Variants in ANK2 observed in about 807,000 individuals in gnomAD.
ANK2 encodes ankyrin 2, also known as ankyrin-2.
ANK2 carries 83 observed loss-of-function variants against 360.5 expected under a neutral mutation model. The ratio of observed to expected loss-of-function variants is 0.23; its 90% CI spans 0.19 to 0.28. The LOEUF is 0.28. Ranked by LOEUF, ANK2 falls within the 10% of genes least tolerant of loss-of-function variation. ANK2 has a pLI of 1.00. For synonymous variants in ANK2, 1,740 were observed against 1,759.5 expected (o/e 0.99, Z 0.28); for missense variants, 4,201 against 4,795.7 (o/e 0.88, Z 3.66).
intron 2 of ANK2, among the ~76,000 whole-genome samples, chr4:113,027,385 G>A (rs187374082): frequency 3.9e-5 from 6 of 152,192 alleles, no homozygotes; most frequent in South Asian, 4.2e-4. Flanking sequence ...TTAAAGGCAG[G>A]TTATGCTTCA....
chr4:112,769,723 G>A, the ANK2 span, among the ~76,000 whole-genome samples: 1 of 152,182 alleles, frequency 6.6e-6, no homozygotes, highest in Non-Finnish European at 1.5e-5. Flanking sequence ...TAAATTGGTG[G>A]ATTAAGTACA....
At chr4:113,244,735 A>G (rs2041914198) in intron 9 of ANK2, among the ~76,000 whole-genome samples, 1 of 152,054 alleles carries the variant, frequency 6.6e-6, no homozygotes, top group Non-Finnish European at 1.5e-5. Flanking sequence ...GTCATCTACA[A>G]TAGGTATTTC....
the ANK2 span, among the ~76,000 whole-genome samples, chr4:112,721,262 G>A: frequency 2.0e-5 from 3 of 152,110 alleles, no homozygotes; most frequent in African/African-American, 4.8e-5. Flanking sequence ...TGCCCTAGCC[G>A]GGCATGGTAG....
chr4:113,040,615 G>T (rs976808838), intron 2 of ANK2, among the ~76,000 whole-genome samples: 4 of 152,054 alleles, frequency 2.6e-5, no homozygotes, highest in African/African-American at 7.2e-5. Context: ...TCACTGAGGG[G>T]AGTAGTTGTT....
At chr4:112,931,268 T>C (rs2093193759) in intron 2 of ANK2, among the ~76,000 whole-genome samples, 4 of 152,018 alleles carry the variant, frequency 2.6e-5, no homozygotes, top group African/African-American at 9.7e-5. Context: ...TGGTTGGAAA[T>C]AAGAGGCACC....
intron 4 of ANK2, among the ~76,000 whole-genome samples, chr4:113,212,461 A>G (rs982172212): frequency 1.3e-5 from 2 of 152,076 alleles, no homozygotes; most frequent in Non-Finnish European, 2.9e-5. Flanking sequence ...CTTTATTTCT[A>G]CTCTTAAAGC....
At chr4:113,268,819 A>C (rs993755428) in intron 14 of ANK2, among the ~76,000 whole-genome samples, 1 of 152,164 alleles carries the variant, frequency 6.6e-6, no homozygotes, top group Non-Finnish European at 1.5e-5. Context: ...TTTCAGAAGG[A>C]ATGGTACCAG....
intron 1 of ANK2, among the ~76,000 whole-genome samples, chr4:113,105,583 T>C (rs140482126): frequency 6.6e-6 from 1 of 152,332 alleles, no homozygotes; most frequent in Non-Finnish European, 1.5e-5. Flanking sequence ...ACTATTGCTG[T>C]CAAACACACA....
intron 1 of ANK2, among the ~76,000 whole-genome samples, chr4:113,134,172 T>G (rs72892050): frequency 0.011 from 1,711 of 151,640 alleles, 31 homozygotes; most frequent in African/African-American, 0.038. Flanking sequence ...CTTGTTAGAG[T>G]AGAAGAGAGG....
At chr4:112,790,225 G>A in the ANK2 span, among the ~76,000 whole-genome samples, 1 of 152,178 alleles carries the variant, frequency 6.6e-6, no homozygotes, top group South Asian at 2.1e-4. Context: ...AATAAGAAAG[G>A]TGATAAAATA....
chr4:113,185,110 A>G (rs2107025), intron 2 of ANK2, among the ~76,000 whole-genome samples: 77,784 of 151,974 alleles, frequency 0.51, 21,068 homozygotes, highest in African/African-American at 0.71. Flanking sequence ...TATCATTGAT[A>G]GGCATTTGGG....
chr4:113,305,452 G>A (rs62313240), intron 23 of ANK2, among the ~76,000 whole-genome samples: 1 of 151,864 alleles, frequency 6.6e-6, no homozygotes, highest in Non-Finnish European at 1.5e-5. Flanking sequence ...AATATTACTG[G>A]TGATAAGAAC....
intron 4 of ANK2, among the ~76,000 whole-genome samples, chr4:113,205,017 C>CCT (rs1160004897): frequency 1.3e-5 from 2 of 151,972 alleles, no homozygotes; most frequent in Admixed American, 1.3e-4. Context: ...GGGCGGATCA[C>CCT]GAGGTCAGGA....
At chr4:113,111,088 TATATGTAAA>T (rs1330421399) in intron 1 of ANK2, among the ~76,000 whole-genome samples, 1 of 152,222 alleles carries the variant, frequency 6.6e-6, no homozygotes, top group Non-Finnish European at 1.5e-5. Context: ...ATTATTAATT[TATATGTAAA>T]TACAAAATTA....
At chr4:112,784,486 G>C in the ANK2 span, among the ~76,000 whole-genome samples, 37 of 150,512 alleles carry the variant, frequency 2.5e-4, no homozygotes, top group East Asian at 6.5e-3. Context: ...GCCTCCTACC[G>C]GCGCCTGCCA....
chr4:113,229,147 G>T (rs978809512), intron 4 of ANK2, among the ~76,000 whole-genome samples: 1 of 152,230 alleles, frequency 6.6e-6, no homozygotes, highest in African/African-American at 2.4e-5. Flanking sequence ...TGTTGCTACT[G>T]TAACAAATTA....
intron 1 of ANK2, among the ~76,000 whole-genome samples, chr4:113,077,563 C>T (rs1004196986): frequency 6.6e-6 from 1 of 152,064 alleles, no homozygotes; most frequent in Admixed American, 6.6e-5. Context: ...GACCATCTGC[C>T]CAGTCCTATT....
intron 2 of ANK2, among the ~76,000 whole-genome samples, chr4:112,940,808 A>G (rs2094148069): frequency 6.6e-6 from 1 of 152,096 alleles, no homozygotes; most frequent in South Asian, 2.1e-4. Flanking sequence ...AAGCTCATTG[A>G]TTTGTTCCTG....
At chr4:112,797,497 A>G in the ANK2 span, 1 of 170,272 alleles carries the variant, frequency 5.9e-6, no homozygotes, top group South Asian at 1.8e-4. Flanking sequence ...AAGTGATACA[A>G]GTTTGGAAAT....
Sources: gnomAD v4.1 joint callset for allele counts (sites outside exome capture counted in the v4.1 genomes callset) on GRCh38, gnomAD v4.1.1 for gene constraint, MANE v1.5 for transcripts, NCBI Gene and HGNC (gene_info 2026-07-23, HGNC 2026-07-21) for gene names.